The following BSG variants were observed in gnomAD, a reference collection of about 807,000 sequenced individuals.
The protein encoded by BSG is basigin.
In BSG, 37 loss-of-function variants were observed where a neutral mutation model predicts 43.1. The observed-to-expected ratio is 0.86, with a 90% confidence interval of 0.66 to 1.13. The LOEUF (loss-of-function observed/expected upper bound fraction) is 1.13. Ranked by LOEUF, BSG falls within the 50% of genes most tolerant of loss-of-function variation. BSG has a pLI of 0.00. For missense variants in BSG, 599 were observed against 554.2 expected (o/e 1.08, Z -0.81); for synonymous variants, 309 against 238.7 (o/e 1.29, Z -2.72).
At chr19:578,890 C>T (rs564546624) in intron 2 of BSG, 2 of 389,996 alleles carry the variant, frequency 5.1e-6, no homozygotes, top group South Asian at 3.8e-5. Context: ...GCCAACATGC[C>T]CAGCTAATTT....
chr19:572,350 G>C, upstream of BSG: 1 of 1,054,668 alleles, frequency 9.5e-7, no homozygotes, highest in South Asian at 4.6e-5. Context: ...GAAATGCGCA[G>C]GCTCCAGCCG....
chr19:582,665 T>C (rs2145905010), intron 8 of BSG, 83 bp downstream of exon 8: 1 of 1,403,218 alleles, frequency 7.1e-7, no homozygotes, highest in African/African-American at 1.4e-5. Flanking sequence ...GTGGGCGGGA[T>C]CTGCTAGCCA....
At chr19:571,470 C>A, upstream of BSG, 1 of 774,632 alleles carries the variant, frequency 1.3e-6, no homozygotes, top group South Asian at 1.3e-5. Flanking sequence ...AAGGGTCCTT[C>A]CTACCCGCGT....
In BSG at chr19:578,280, G is replaced by C. The variant is rs568408179; in HGVS notation, c.415+159G>C. On this transcript the variant is annotated intron_variant, in intron 2 of 8. Coordinates refer to ENST00000333511, the MANE Select transcript of BSG (RefSeq NM_001728.4). ...TGGACGGAGGGGCCCGGACCTGAAGGGGGTGGGCTCGCCGCCTGACCACCA... is the reference window on the plus strand; with the variant it reads ...TGGACGGAGGGGCCCGGACCTGAAGCGGGTGGGCTCGCCGCCTGACCACCA... 2.3e-5 allele frequency: 17 copies of C among 755,258 alleles called. No individual in the cohort carries two copies. The East Asian group carries it at 3.8e-4, about 17-fold the overall frequency. The allele number at this position is 755,258 out of a possible 1,614,324, so 46.8% of individuals were successfully genotyped here.
Position 578,296 on chromosome 19 carries a change from C to T in BSG, c.415+175C>T, listed in dbSNP as rs1172138305. 4 of 625,626 alleles carry T rather than the reference C, an allele frequency of 6.4e-6. No individual in the cohort carries two copies. In the African/African-American group the frequency reaches 7.6e-5, roughly 12 times the overall value. 38.8% of individuals were successfully genotyped at this position (625,626 alleles called of 1,614,324 possible). A position where few individuals can be genotyped will look rare whatever the true frequency, so the allele number is the denominator to read the frequency against. ...GACCTGAAGGGGGTGGGCTCGCCGC[C>T]TGACCACCAGCGCTGGGCGGCCTGG... On this transcript the variant is annotated intron_variant, in intron 2 of 8. Coordinates refer to ENST00000333511, the MANE Select transcript of BSG (RefSeq NM_001728.4).
chr19:575,148 C>T (rs1277548250), intron 1 of BSG: 1 of 152,362 alleles, frequency 6.6e-6, no homozygotes, highest in African/African-American at 2.4e-5. Context: ...CAGGTGGAGT[C>T]TGCAGTGCTG....
chr19:581,581 C>T lies in BSG; in HGVS notation c.1059C>T (p.Asp353=), dbSNP rs576923629. Residue 353 remains aspartate (D), a synonymous_variant, in exon 6 of 9, where the codon GAC becomes GAT. Transcript: ENST00000333511. ...FIYEKRRKPE[D]VLDDDDAGSA... ...ACGAGAAGCGCCGGAAGCCCGAGGACGTCCTGGATGGTGAGCCGTCTGCCC... is the reference window on the plus strand; with the variant it reads ...ACGAGAAGCGCCGGAAGCCCGAGGATGTCCTGGATGGTGAGCCGTCTGCCC... The T allele has an allele frequency of 4.3e-5, 69 of 1,592,662 alleles. No individual in the cohort carries two copies. The highest frequency in any genetic ancestry group is 6.7e-5 in the African/African-American group (5 of 74,622).
In BSG at chr19:581,450, G is replaced by C. The variant is rs778937234; in HGVS notation, c.928G>C (p.Asp310His). 53 of 1,611,910 alleles carry C rather than the reference G, an allele frequency of 3.3e-5. 1 individual carries two copies. The highest frequency in any genetic ancestry group is 4.3e-5 in the Non-Finnish European group (51 of 1,179,636). Residue 310 changes from aspartate to histidine, a missense_variant, in exon 6 of 9, where the codon GAC becomes CAC. By Grantham distance (81) the Asp-to-His change is moderately conservative. Transcript: ENST00000333511. The stretch of plus-strand genomic sequence containing the variant: ...CAACGGCACCAGCTCCAAGGGCTCC[G>C]ACCAGGCCATCATCACGCTCCGCGT... The part of the protein sequence containing the change: ...RCNGTSSKGS[D>H]QAIITLRVRS...
chr19:581,831 C>G (rs1180226605), intron 6 of BSG, among the ~76,000 whole-genome samples: 1 of 152,268 alleles, frequency 6.6e-6, no homozygotes, highest in Non-Finnish European at 1.5e-5. Flanking sequence ...ACAGCCTCAC[C>G]CGGCCCTTCC....
chr19:574,413 CGTG>C (rs1981579922), intron 1 of BSG, among the ~76,000 whole-genome samples: 1 of 152,040 alleles, frequency 6.6e-6, no homozygotes, highest in Non-Finnish European at 1.5e-5. Flanking sequence ...ATTAGCCTGG[CGTG>C]GTGGCGGGCG....
At position 581,459 on chromosome 19, in the gene BSG, A is replaced by G. The variant is rs1042605408; in HGVS notation, c.937A>G (p.Ile313Val). 6.2e-7 allele frequency: 1 copy of G among 1,611,558 alleles called. No individual in the cohort carries two copies. Among genetic ancestry groups the G allele is most frequent in the Non-Finnish European group, 8.5e-7 (1 of 1,179,472 alleles). The change falls in exon 6 of 9, where the codon ATC (isoleucine) becomes GTC (valine). Residue 313 changes from isoleucine (I) to valine (V), a missense_variant. Physicochemically the swap from Ile to Val is conservative, Grantham distance 29. Transcript: ENST00000333511. ...CAGCTCCAAGGGCTCCGACCAGGCC[A>G]TCATCACGCTCCGCGTGCGCAGCCA... Reference protein sequence around the residue: ...GTSSKGSDQAIITLRVRSHLA... With the variant: ...GTSSKGSDQAVITLRVRSHLA...
In BSG at chr19:581,359, G is replaced by C. The variant is rs201497117; in HGVS notation, c.837G>C (p.Ser279=). Residue 279 remains serine, a synonymous_variant, in exon 6 of 9, where the codon TCG becomes TCC. Coordinates refer to ENST00000333511, the MANE Select transcript of BSG (RefSeq NM_001728.4). Reference sequence around the variant, plus strand: ...AGAGCAGGTTCTTCGTGAGTTCCTCGCAGGGCCGGTCAGAGCTACACATTG... The same window carrying C: ...AGAGCAGGTTCTTCGTGAGTTCCTCCCAGGGCCGGTCAGAGCTACACATTG... The part of the protein sequence containing the change: ...GSESRFFVSS[S]QGRSELHIEN... 1.2e-6 allele frequency: 2 copies of C among 1,612,736 alleles called. No individual in the cohort carries two copies. The highest frequency in any genetic ancestry group is 1.7e-5 in the Admixed American group (1 of 60,012).
rs1167729958 is a variant in BSG, at chr19:582,212, G to T, written c.1070-94G>T. 4 of 1,544,166 alleles carry T rather than the reference G, an allele frequency of 2.6e-6. No homozygotes were observed. In the African/African-American group the frequency reaches 5.6e-5, roughly 22 times the overall value. The stretch of plus-strand genomic sequence containing the variant: ...CCTGGGGGTCACTGAGGGCAGGGCT[G>T]GCAGCACAGATGCCCCTGCTCGGGG... On this transcript the variant is annotated intron_variant, in intron 6 of 8. Coordinates refer to ENST00000333511, the MANE Select transcript of BSG (RefSeq NM_001728.4).
At chr19:582,414 G>C in intron 7 of BSG, 84 bp downstream of exon 7, 1 of 1,598,692 alleles carries the variant, frequency 6.3e-7, no homozygotes, top group Non-Finnish European at 8.5e-7. Flanking sequence ...GAGCCCCTGG[G>C]CTTCAGTATT....
chr19:582,935 CT>C lies in BSG; in HGVS notation c.*193del. ...GGATTCTGTTCCTTAGGTTTTTTTC[CT>C]TCTGAAGTGTTTCACGAGAGCCCGG... On this transcript the variant is annotated 3_prime_UTR_variant, in exon 9 of 9. Coordinates refer to ENST00000333511, the MANE Select transcript of BSG (RefSeq NM_001728.4). The C allele has an allele frequency of 3.4e-6, 1 of 298,090 alleles. No homozygotes were observed. 18.5% of individuals were successfully genotyped at this position (298,090 alleles called of 1,614,324 possible).
rs558783626 is a variant in BSG, at chr19:581,471, C to T, written c.949C>T (p.Arg317Cys). Reference sequence around the variant, plus strand: ...CTCCGACCAGGCCATCATCACGCTCCGCGTGCGCAGCCACCTGGCCGCCCT... The same window carrying T: ...CTCCGACCAGGCCATCATCACGCTCTGCGTGCGCAGCCACCTGGCCGCCCT... ...KGSDQAIITL[R>C]VRSHLAALWP... The change falls in exon 6 of 9, where the codon CGC becomes TGC. Residue 317 changes from arginine (R) to cysteine (C), a missense_variant. Transcript: ENST00000333511. 72 of 1,608,838 alleles carry T rather than the reference C, an allele frequency of 4.5e-5. No homozygotes were observed. Among genetic ancestry groups the T allele is most frequent in the African/African-American group, 5.3e-5 (4 of 74,854 alleles).
At position 580,115 on chromosome 19, in the gene BSG, GTGGGGT is replaced by G. The variant is rs199856669; in HGVS notation, c.573-263_573-258del. The G allele has an allele frequency of 5.8e-3, 2,922 of 506,238 alleles. 130 individuals are homozygous for G. The East Asian group carries it at 0.086, about 15-fold the overall frequency. The allele number at this position is 506,238 out of a possible 1,614,324, so 31.4% of individuals were successfully genotyped here. The stretch of plus-strand genomic sequence containing the variant: ...CTGACTGGGAAGACGGTCACAGGGT[GTGGGGT>G]GCAGAGCAGGGACCAGAGGTGTGGG... On this transcript the variant is annotated intron_variant, in intron 3 of 8. Coordinates refer to ENST00000333511, the MANE Select transcript of BSG (RefSeq NM_001728.4).
At chr19:579,227 C>T (rs1404876698) in intron 2 of BSG, 3 of 564,612 alleles carry the variant, frequency 5.3e-6, no homozygotes, top group Non-Finnish European at 1.0e-5. Context: ...AGCGCCTTAG[C>T]CCAGGGCCCG....
intron 1 of BSG, 71 bp downstream of exon 1, chr19:572,772 A>G (rs1981378862): frequency 5.3e-6 from 7 of 1,322,980 alleles, no homozygotes; most frequent in Non-Finnish European, 6.8e-6. Flanking sequence ...TGCCGACCCG[A>G]AGCCGACGGG....
Sources: allele counts gnomAD v4.1 joint callset (sites outside exome capture counted in the v4.1 genomes callset), GRCh38; gene constraint gnomAD v4.1.1; transcripts MANE v1.5; gene names NCBI Gene and HGNC (gene_info 2026-07-23, HGNC 2026-07-21).